Variants in CUL9 observed in about 807,000 individuals in gnomAD.
CUL9 encodes cullin 9, also known as cullin-9.
A neutral mutation model predicts 272.6 loss-of-function variants in CUL9; 79 were observed. The observed-to-expected ratio is 0.29, with a 90% CI of 0.24 to 0.35. CUL9 has a LOEUF of 0.35. Ranked by LOEUF, CUL9 falls within the 10% of genes least tolerant of loss-of-function variation. The pLI is 1.00. For missense variants in CUL9, 2,532 were observed against 3,255.6 expected (o/e 0.78, Z 5.41); for synonymous variants, 1,186 against 1,286.5 (o/e 0.92, Z 1.67).
At chr6:43,216,116 C>G (rs1775909811) in intron 30 of CUL9, 42 bp from the exon 31 acceptor site, 1 of 1,552,276 alleles carries the variant, frequency 6.4e-7, no homozygotes, top group Non-Finnish European at 8.8e-7. Flanking sequence ...GGCTGGATAG[C>G]AGGGCAGGAA....
At chr6:43,183,448 C>T (rs113955756) in intron 1 of CUL9, among the ~76,000 whole-genome samples, 10,140 of 152,262 alleles carry the variant, frequency 0.067, 432 homozygotes, top group Admixed American at 0.095. Context: ...TTACATCCAC[C>T]TTGCAGCTTT....
At chr6:43,197,954 T>C (rs900822901) in intron 11 of CUL9, among the ~76,000 whole-genome samples, 3 of 152,062 alleles carry the variant, frequency 2.0e-5, no homozygotes, top group Admixed American at 2.0e-4. Flanking sequence ...AAATAGGAAA[T>C]ACGTGGCCAG....
In CUL9 at chr6:43,184,628, C is replaced by A. The variant is rs41274928; in HGVS notation, c.318C>A (p.Gly106=). Residue 106 remains glycine, a synonymous_variant, in exon 2 of 41, where the codon GGC becomes GGA. Transcript: ENST00000252050. The surrounding 1 kb of genome is among the most constrained non-coding windows in gnomAD (Gnocchi z 4.8). The stretch of plus-strand genomic sequence containing the variant: ...GAAGCTTTCCTCGAGATCCAGGAGG[C>A]CTGGATGAAGTGGCAATGGGAGAGA... ...VSGSFPRDPG[G]LDEVAMGEME... is the part of the protein sequence containing the mutation. 51,670 of 1,611,800 alleles carry A rather than the reference C, an allele frequency of 0.032. 1,129 individuals carry two copies. Among genetic ancestry groups the A allele is most frequent in the African/African-American group, 0.11 (7,977 of 74,984 alleles).
chr6:43,218,654 G>A lies in CUL9; in HGVS notation c.6283-1805G>A, dbSNP rs948496777. Among the ~76,000 whole-genome samples, 4 of 152,202 alleles carry A rather than the reference G, an allele frequency of 2.6e-5. No homozygotes were observed. The highest frequency in any genetic ancestry group is 2.9e-5 in the Non-Finnish European group (2 of 68,040). On this transcript the variant is annotated intron_variant, in intron 31 of 40. Coordinates refer to ENST00000252050, the MANE Select transcript of CUL9 (RefSeq NM_015089.4). This position sits in a 1 kb window ranked among gnomAD's most constrained non-coding sequence, Gnocchi z 4.4. Reference sequence around the variant, plus strand: ...TGGTAGTTTGGACTGGGGCAGTGGCGATGAGAGAGGGTGGATTGGGACACA... The same window carrying A: ...TGGTAGTTTGGACTGGGGCAGTGGCAATGAGAGAGGGTGGATTGGGACACA...
rs1774875973 is a variant in CUL9, at chr6:43,204,361, T to C, written c.4161T>C (p.Asp1387=). ...TGTTCCTGACCTGTCTTCTTTCAGA[T>C]GCGGAAGGCGTGAGTGCCCTGGGAT... ...SPLVQNITSP[D]AEGVSALGWL... is the part of the protein sequence containing the mutation. The change falls in exon 21 of 41, where the codon GAT becomes GAC. Residue 1387 remains aspartate (D), a splice_region_variant and synonymous_variant. Transcript: ENST00000252050. 1.2e-6 allele frequency: 2 copies of C among 1,613,670 alleles called. No homozygotes were observed. The highest frequency in any genetic ancestry group is 1.6e-4 in the Middle Eastern group (1 of 6,080).
intron 26 of CUL9, among the ~76,000 whole-genome samples, chr6:43,210,938 C>CT (rs1057431411): frequency 1.3e-5 from 2 of 151,892 alleles, no homozygotes; most frequent in African/African-American, 4.8e-5. Context: ...TAAAACATTT[C>CT]TTTTTTGTCT....
At position 43,199,896 on chromosome 6, in the gene CUL9, C is replaced by T; in HGVS notation, c.3157-33C>T. On this transcript the variant is annotated intron_variant, in intron 13 of 40. Transcript: ENST00000252050. The surrounding 1 kb of genome is among the most constrained non-coding windows in gnomAD (Gnocchi z 4.4). Reference sequence around the variant, plus strand: ...TCCTTACATGTCCTACCTCTTGTTTCCTGTAAATTAATCTATGTGGCTCTG... The same window carrying T: ...TCCTTACATGTCCTACCTCTTGTTTTCTGTAAATTAATCTATGTGGCTCTG... The T allele has an allele frequency of 6.5e-7, 1 of 1,545,000 alleles. No homozygotes were observed. The highest frequency in any genetic ancestry group is 8.9e-7 in the Non-Finnish European group (1 of 1,118,048).
intron 16 of CUL9, among the ~76,000 whole-genome samples, chr6:43,201,583 C>G (rs1774561816): frequency 6.6e-6 from 1 of 152,174 alleles, no homozygotes; most frequent in Non-Finnish European, 1.5e-5. Context: ...GGGTTCACCC[C>G]ATTCTCCTGT....
In CUL9 at chr6:43,188,678, C is replaced by T. The variant is rs571511276; in HGVS notation, c.2143C>T (p.Arg715Trp). ...TCAGGCTGTGGAGGAGGTCACTGAG[C>T]GGGACCACCCTCTGGTCCGTCCTGA... ...LSQAVEEVTE[R>W]DHPLVRPDRS... The change falls in exon 8 of 41, where the codon CGG (arginine) becomes TGG (tryptophan). Residue 715 changes from arginine to tryptophan, a missense_variant. By Grantham distance (101) the Arg-to-Trp change is moderately radical. Around this residue, in one of 3 missense-constraint regions of CUL9, gnomAD observed 2,218 missense variants for 2,788.6 expected, o/e 0.80. Coordinates refer to ENST00000252050, the MANE Select transcript of CUL9 (RefSeq NM_015089.4). 26 of 1,613,682 alleles carry T rather than the reference C, an allele frequency of 1.6e-5. 1 individual carries two copies. The South Asian group carries it at 1.9e-4, about 12-fold the overall frequency.
At chr6:43,204,226 C>G in intron 20 of CUL9, 134 bp from the exon 21 acceptor site, 1 of 1,173,176 alleles carries the variant, frequency 8.5e-7, no homozygotes, top group Non-Finnish European at 1.2e-6. Flanking sequence ...TGAAACAAAC[C>G]TTGGTGAGGG....
rs1268674814 is a variant in CUL9, at chr6:43,187,825, A to G, written c.1694A>G (p.Asn565Ser). 43 of 1,492,786 alleles carry G rather than the reference A, an allele frequency of 2.9e-5. No individual in the cohort carries two copies. The highest frequency in any genetic ancestry group is 3.8e-5 in the Non-Finnish European group (43 of 1,120,356). The allele number at this position is 1,492,786 out of a possible 1,614,324, so 92.5% of individuals were successfully genotyped here. The change falls in exon 7 of 41, where the codon AAC becomes AGC. Residue 565 changes from asparagine (N) to serine (S), a missense_variant. Asn to Ser is a conservative substitution (Grantham distance 46, BLOSUM62 1). Coordinates refer to ENST00000252050, the MANE Select transcript of CUL9 (RefSeq NM_015089.4). ...FEGSTLNDLL[N>S]SQIYTKYGLL... ...GGCAGCACTCTCAATGACCTGCTCAACTCCCAGATCTACACCAAGTATGGG... is the reference window on the plus strand; with the variant it reads ...GGCAGCACTCTCAATGACCTGCTCAGCTCCCAGATCTACACCAAGTATGGG...
chr6:43,222,675 G>A (rs1319222692), intron 37 of CUL9, 34 bp downstream of exon 37: 3 of 1,608,802 alleles, frequency 1.9e-6, no homozygotes, highest in African/African-American at 1.3e-5. Context: ...GCAGGGGAGG[G>A]GTGTGCCAAA....
At position 43,218,219 on chromosome 6, in the gene CUL9, A is replaced by T. The variant is rs947316555; in HGVS notation, c.6282+1716A>T. On this transcript the variant is annotated intron_variant, in intron 31 of 40. Coordinates refer to ENST00000252050, the MANE Select transcript of CUL9 (RefSeq NM_015089.4). This position sits in a 1 kb window ranked among gnomAD's most constrained non-coding sequence, Gnocchi z 4.4. ...TATATTATTTATTTATTTTTATTTT[A>T]TTATTATTATTTTTTGAGATGGAGT... Among the ~76,000 whole-genome samples the T allele has an allele frequency of 2.6e-5, 4 of 150,970 alleles. No homozygotes were observed. Among genetic ancestry groups the T allele is most frequent in the African/African-American group, 4.9e-5 (2 of 41,162 alleles).
At chr6:43,201,726 G>T (rs960417859) in intron 16 of CUL9, among the ~76,000 whole-genome samples, 1 of 152,208 alleles carries the variant, frequency 6.6e-6, no homozygotes, top group East Asian at 1.9e-4. Flanking sequence ...TGATCCGCCC[G>T]CCTTGGCCTC....
intron 26 of CUL9, chr6:43,212,891 G>A (rs536657809): frequency 3.3e-5 from 14 of 422,530 alleles, no homozygotes; most frequent in African/African-American, 2.4e-4. Flanking sequence ...TTTCTCTCTG[G>A]TGTTTTTGCA....
In CUL9 at chr6:43,196,569, C is replaced by A. The variant is rs1427901523; in HGVS notation, c.2586-76C>A. 6.1e-6 allele frequency: 8 copies of A among 1,317,550 alleles called. No individual in the cohort carries two copies. The African/African-American group carries it at 8.7e-5, about 14-fold the overall frequency. 81.6% of individuals were successfully genotyped at this position (1,317,550 alleles called of 1,614,324 possible). On this transcript the variant is annotated intron_variant, in intron 10 of 40. Coordinates refer to ENST00000252050, the MANE Select transcript of CUL9 (RefSeq NM_015089.4). The stretch of plus-strand genomic sequence containing the variant: ...AGCCCTTTGCTCCCTAGCTGCCCGG[C>A]CTTCTATGCTTGCTTTGCTGCTTCC...
At chr6:43,209,698 T>C (rs1252684022) in intron 26 of CUL9, among the ~76,000 whole-genome samples, 1 of 152,028 alleles carries the variant, frequency 6.6e-6, no homozygotes, top group Non-Finnish European at 1.5e-5. Flanking sequence ...CAGACTGGAG[T>C]GCAGTGGCTC....
At position 43,184,140 on chromosome 6, in the gene CUL9, A is replaced by G. The variant is rs1385395463; in HGVS notation, c.-9-162A>G. ...TATAAATCCCAAAGTATGTTCAGCTATTTATTCCATCCTATTTTTTGCCTT... is the reference window on the plus strand; with the variant it reads ...TATAAATCCCAAAGTATGTTCAGCTGTTTATTCCATCCTATTTTTTGCCTT... On this transcript the variant is annotated intron_variant, in intron 1 of 40. Transcript: ENST00000252050. This position sits in a 1 kb window ranked among gnomAD's most constrained non-coding sequence, Gnocchi z 4.8. 6.6e-6 allele frequency among the ~76,000 whole-genome samples: 1 copy of G among 151,988 alleles called. No homozygotes were observed. The highest frequency in any genetic ancestry group is 1.5e-5 in the Non-Finnish European group (1 of 68,016).
rs1220040779 is a variant in CUL9, at chr6:43,185,847, GC to G, written c.751-106del. 7 of 1,419,426 alleles carry G rather than the reference GC, an allele frequency of 4.9e-6. No homozygotes were observed. The East Asian group carries it at 1.6e-4, about 33-fold the overall frequency. 87.9% of individuals were successfully genotyped at this position (1,419,426 alleles called of 1,614,324 possible). ...ACAAATCAAAGTTTCAGAACTACAG[GC>G]CTGGGGAGAAGGCCTTTATATTTTT... On this transcript the variant is annotated intron_variant, in intron 3 of 40. Transcript: ENST00000252050.
Sources: allele counts gnomAD v4.1 joint callset (sites outside exome capture counted in the v4.1 genomes callset), GRCh38; gene constraint gnomAD v4.1.1; regional missense constraint gnomAD v4.1.1; non-coding constraint Gnocchi (gnomAD v3.1); transcripts MANE v1.5; gene names NCBI Gene and HGNC (gene_info 2026-07-23, HGNC 2026-07-21).